The following PEX14 variants were observed in gnomAD, a reference collection of about 807,000 sequenced individuals.
PEX14 encodes the protein peroxisomal biogenesis factor 14.
In PEX14, 15 loss-of-function variants were observed where a neutral mutation model predicts 49.5. The observed-to-expected ratio is 0.30, with a 90% CI of 0.20 to 0.47. The LOEUF is 0.47. Ranked by LOEUF, PEX14 falls within the 20% of genes least tolerant of loss-of-function variation. PEX14 has a pLI of 1.00. For synonymous variants in PEX14, 210 were observed against 212.7 expected (o/e 0.99, Z 0.11); for missense variants, 398 against 494.8 (o/e 0.80, Z 1.86).
intron 3 of PEX14, among the ~76,000 whole-genome samples, chr1:10,551,583 C>G (rs1467518354): frequency 6.6e-6 from 1 of 152,080 alleles, no homozygotes; most frequent in African/African-American, 2.4e-5. Context: ...ACCATAATTA[C>G]TCTGTTTGTT....
chr1:10,578,195 A>G (rs1640207498), intron 3 of PEX14, among the ~76,000 whole-genome samples: 1 of 152,156 alleles, frequency 6.6e-6, no homozygotes, highest in Admixed American at 6.5e-5. Context: ...TGAACTGCCC[A>G]TGCACAGGGG....
rs541705631 is a variant in PEX14 at position 10,623,500 on chromosome 1, T to G, written c.487+379T>G. Among the ~76,000 whole-genome samples, 106 of 151,872 alleles carry G rather than the reference T, an allele frequency of 7.0e-4. No homozygotes were observed. The highest frequency in any genetic ancestry group is 1.4e-3 in the Non-Finnish European group (98 of 67,944). On this transcript the variant is annotated intron_variant, in intron 6 of 8. Transcript: ENST00000356607. The surrounding 1 kb of genome is among the most constrained non-coding windows in gnomAD (Gnocchi z 4.4). The stretch of plus-strand genomic sequence containing the variant: ...AGACTCGACTGTGGGGTCAAGAGAG[T>G]CTGTAATTACTGTGGCTCCCGGGAC...
intron 3 of PEX14, among the ~76,000 whole-genome samples, chr1:10,557,621 C>CTTA (rs2124522609): frequency 6.6e-6 from 1 of 152,264 alleles, no homozygotes; most frequent in African/African-American, 2.4e-5. Flanking sequence ...AGCTGCTAAT[C>CTTA]CTAGGTTAAA....
rs369864082 is a variant in PEX14 at position 10,628,294 on chromosome 1, A to G, written c.677+931A>G. On this transcript the variant is annotated intron_variant, in intron 8 of 8. Coordinates refer to ENST00000356607, the MANE Select transcript of PEX14 (RefSeq NM_004565.3). The surrounding 1 kb of genome is among the most constrained non-coding windows in gnomAD (Gnocchi z 4.5). ...GGAGCCACTCTGTCCTGGGAGCCGCAACTGTGGGCCATCCTCCTGGGCTGA... is the reference window on the plus strand; with the variant it reads ...GGAGCCACTCTGTCCTGGGAGCCGCGACTGTGGGCCATCCTCCTGGGCTGA... Among the ~76,000 whole-genome samples the G allele has an allele frequency of 2.6e-5, 4 of 152,324 alleles. No individual in the cohort carries two copies. The highest frequency in any genetic ancestry group is 7.2e-5 in the African/African-American group (3 of 41,564).
intron 5 of PEX14, among the ~76,000 whole-genome samples, 195 bp downstream of exon 5, chr1:10,618,612 C>T (rs1641500125): frequency 6.6e-6 from 1 of 152,234 alleles, no homozygotes; most frequent in Non-Finnish European, 1.5e-5. Flanking sequence ...GCTTGGCAGG[C>T]TCTGCCCACC....
At chr1:10,527,400 C>T (rs1268503365) in intron 2 of PEX14, among the ~76,000 whole-genome samples, 2 of 151,182 alleles carry the variant, frequency 1.3e-5, no homozygotes, top group South Asian at 2.1e-4. Context: ...GCCTATAGTC[C>T]CAGCTACTCG....
rs547429481 is a variant in PEX14 at position 10,605,789 on chromosome 1, A to G, written c.298+6423A>G. Among the ~76,000 whole-genome samples, 3 of 152,184 alleles carry G rather than the reference A, an allele frequency of 2.0e-5. No homozygotes were observed. In the South Asian group the frequency reaches 6.2e-4, roughly 32 times the overall value. On this transcript the variant is annotated intron_variant, in intron 4 of 8. Coordinates refer to ENST00000356607, the MANE Select transcript of PEX14 (RefSeq NM_004565.3). ...TCTCTCTTTTTGCTACCTGAAAGTT[A>G]CTGGTTTGTATATGAAGAAAGTATT...
intron 3 of PEX14, among the ~76,000 whole-genome samples, chr1:10,596,217 A>G (rs1226242877): frequency 6.6e-6 from 1 of 152,216 alleles, no homozygotes; most frequent in Non-Finnish European, 1.5e-5. Context: ...AAAGCTGGCC[A>G]GTTCTGCCTA....
intron 3 of PEX14, among the ~76,000 whole-genome samples, chr1:10,557,678 T>A (rs1393472179): frequency 1.3e-5 from 2 of 152,234 alleles, no homozygotes; most frequent in African/African-American, 4.8e-5. Context: ...AACCTGTGCT[T>A]TAAAAAGGTG....
chr1:10,592,040 A>G (rs992571670), intron 3 of PEX14, among the ~76,000 whole-genome samples: 35 of 152,128 alleles, frequency 2.3e-4, no homozygotes, highest in Non-Finnish European at 1.9e-4. Flanking sequence ...TTTGGTTGTC[A>G]AAGGCAAGTT....
chr1:10,485,845 T>A (rs1437446504), intron 1 of PEX14, among the ~76,000 whole-genome samples: 1 of 150,008 alleles, frequency 6.7e-6, no homozygotes, highest in Non-Finnish European at 1.5e-5. Flanking sequence ...AACCCCCGCC[T>A]CCTGGGTTCA....
At chr1:10,544,567 G>A (rs1442787547) in intron 3 of PEX14, among the ~76,000 whole-genome samples, 1 of 152,096 alleles carries the variant, frequency 6.6e-6, no homozygotes, top group Non-Finnish European at 1.5e-5. Context: ...CATATTTAAT[G>A]TGTGGTTTTA....
intron 3 of PEX14, among the ~76,000 whole-genome samples, chr1:10,579,189 G>A (rs1168739927): frequency 1.4e-4 from 22 of 152,110 alleles, no homozygotes; most frequent in Admixed American, 1.4e-3. Flanking sequence ...TGAGAATTAT[G>A]GCTGACTCAT....
intron 3 of PEX14, among the ~76,000 whole-genome samples, chr1:10,579,726 C>T (rs1017141148): frequency 6.6e-6 from 1 of 152,068 alleles, no homozygotes; most frequent in East Asian, 1.9e-4. Flanking sequence ...CTGTAAACTG[C>T]CATGGCACTG....
intron 3 of PEX14, among the ~76,000 whole-genome samples, chr1:10,592,607 T>TAAA (rs1640702313): frequency 2.0e-5 from 3 of 152,192 alleles, no homozygotes; most frequent in Non-Finnish European, 2.9e-5. Flanking sequence ...TTCCTCCTTA[T>TAAA]GTGGAAGGAG....
intron 2 of PEX14, among the ~76,000 whole-genome samples, chr1:10,507,045 C>T (rs1294903002): frequency 6.6e-6 from 1 of 152,244 alleles, no homozygotes; most frequent in Non-Finnish European, 1.5e-5. Context: ...AGGGCTTCTA[C>T]TCTGTAATAT....
intron 2 of PEX14, among the ~76,000 whole-genome samples, chr1:10,508,374 T>C (rs1450136346): frequency 6.6e-6 from 1 of 152,014 alleles, no homozygotes; most frequent in African/African-American, 2.4e-5. Flanking sequence ...GCCCTGCTAA[T>C]TTTTTTGTAT....
At chr1:10,622,855 G>A (rs953570327) in intron 5 of PEX14, among the ~76,000 whole-genome samples, 164 bp from the exon 6 acceptor site, 2 of 152,136 alleles carry the variant, frequency 1.3e-5, no homozygotes, top group East Asian at 1.9e-4. Flanking sequence ...GGTTGTAATC[G>A]CAGTCTCATA....
chr1:10,498,039 G>A (rs554450305), intron 2 of PEX14, among the ~76,000 whole-genome samples: 1 of 152,308 alleles, frequency 6.6e-6, no homozygotes, highest in African/African-American at 2.4e-5. Context: ...CAGCACTTTG[G>A]GAGGCCAAGG....
Sources: allele counts gnomAD v4.1 joint callset (sites outside exome capture counted in the v4.1 genomes callset), GRCh38; gene constraint gnomAD v4.1.1; non-coding constraint Gnocchi (gnomAD v3.1); transcripts MANE v1.5; gene names NCBI Gene and HGNC (gene_info 2026-07-23, HGNC 2026-07-21).